The following MICAL1 variants were observed in gnomAD, a reference collection of about 807,000 sequenced individuals.
MICAL1 encodes the protein microtubule associated monooxygenase, calponin and LIM domain containing 1.
A neutral mutation model predicts 131.8 loss-of-function variants in MICAL1; 95 were observed. The observed-to-expected ratio is 0.72, with a 90% CI of 0.61 to 0.86. The LOEUF is 0.86. Among genes scored for constraint, MICAL1 ranks in the 40% least tolerant of loss-of-function variants. The probability of loss-of-function intolerance (pLI) is 0.00; values close to 1 mark genes in which losing one functional copy is unlikely to be tolerated. For synonymous variants in MICAL1, 546 were observed against 554.2 expected (o/e 0.99, Z 0.21); for missense variants, 1,292 against 1,380.6 (o/e 0.94, Z 1.02).
At chr6:109,453,565 C>T in intron 3 of MICAL1, 73 bp downstream of exon 3, 2 of 1,529,822 alleles carry the variant, frequency 1.3e-6, no homozygotes, top group Admixed American at 2.0e-5. Context: ...ATTTGGCTGT[C>T]CCAGCATTTC....
At chr6:109,461,294 C>CT (rs1775882317) in intron 1 of MICAL1, among the ~76,000 whole-genome samples, 1 of 152,184 alleles carries the variant, frequency 6.6e-6, no homozygotes, top group African/African-American at 2.4e-5. Flanking sequence ...CTCATCCATC[C>CT]TTTTTTATGG....
At chr6:109,462,046 G>C (rs896634966) in intron 1 of MICAL1, among the ~76,000 whole-genome samples, 2 of 152,202 alleles carry the variant, frequency 1.3e-5, no homozygotes, top group Non-Finnish European at 2.9e-5. Context: ...GTTGTTAGGA[G>C]GTAAATTGTG....
chr6:109,459,297 G>C (rs1431458923), upstream of MICAL1, among the ~76,000 whole-genome samples: 2 of 152,188 alleles, frequency 1.3e-5, no homozygotes, highest in Non-Finnish European at 2.9e-5. Context: ...AGCCCAAACA[G>C]ATCACCACTT....
chr6:109,451,515 C>T (rs1775541919), intron 7 of MICAL1, 85 bp downstream of exon 7: 2 of 1,535,926 alleles, frequency 1.3e-6, no homozygotes, highest in Non-Finnish European at 1.8e-6. Context: ...GGGGTCCCCA[C>T]ACCCAGGTGT....
Position 109,449,390 on chromosome 6 carries a change from G to T in MICAL1, c.1516+10C>A, listed in dbSNP as rs774244584. 16 of 1,614,064 alleles carry T rather than the reference G, an allele frequency of 9.9e-6. No homozygotes were observed. The highest frequency in any genetic ancestry group is 4.2e-6 in the Non-Finnish European group (5 of 1,180,016). ...ATTTTGGTCACCCCTTGGGAGGAAG[G>T]CCTGCTCACCGGTGGCTGGCATCCC... On this transcript the variant is annotated intron_variant, in intron 11 of 24. Coordinates refer to ENST00000358807, the MANE Select transcript of MICAL1 (RefSeq NM_022765.4).
intron 20 of MICAL1, 42 bp downstream of exon 20, chr6:109,445,729 T>G (rs1160966885): frequency 1.3e-6 from 2 of 1,588,346 alleles, no homozygotes; most frequent in Non-Finnish European, 8.6e-7. Context: ...TCTCCTGTAG[T>G]GGGCTGGAGA....
chr6:109,453,295 G>A lies in MICAL1; in HGVS notation c.539C>T (p.Thr180Ile). 6.8e-6 allele frequency: 11 copies of A among 1,614,050 alleles called. No individual in the cohort carries two copies. The highest frequency in any genetic ancestry group is 9.3e-6 in the Non-Finnish European group (11 of 1,179,958). Reference sequence around the variant, plus strand: ...AGGAGGGGGCTGGAGGCCAGTGAAAGTGACACCCCAGTGAATTTCCACCCC... The same window carrying A: ...AGGAGGGGGCTGGAGGCCAGTGAAAATGACACCCCAGTGAATTTCCACCCC... ...LLGVEIHWGV[T>I]FTGLQPPPRK... is the part of the protein sequence containing the mutation. Residue 180 changes from threonine (T) to isoleucine (I), a missense_variant, in exon 4 of 25, where the codon ACT becomes ATT. Coordinates refer to ENST00000358807, the MANE Select transcript of MICAL1 (RefSeq NM_022765.4).
Position 109,452,400 on chromosome 6 carries a change from G to T in MICAL1, c.678C>A (p.Gly226=), listed in dbSNP as rs761488426. The T allele has an allele frequency of 6.2e-7, 1 of 1,613,962 alleles. No individual in the cohort carries two copies. The highest frequency in any genetic ancestry group is 1.1e-5 in the South Asian group (1 of 91,066). ...TGCCTCGCATTTCTCGAACTTTGAA[G>T]CCTAGAGGTGGCGGTAGGTGAACAA... is the stretch of plus-strand genomic sequence containing the variant. ...SAAGGKFVPE[G]FKVREMRGKL... Residue 226 remains glycine, a splice_region_variant and synonymous_variant, in exon 6 of 25, where the codon GGC becomes GGA. Coordinates refer to ENST00000358807, the MANE Select transcript of MICAL1 (RefSeq NM_022765.4).
At position 109,447,921 on chromosome 6, in the gene MICAL1, AAT is replaced by A; in HGVS notation, c.1896_1897del (p.Leu633IlefsTer3). The A allele has an allele frequency of 6.2e-7, 1 of 1,613,154 alleles. No homozygotes were observed. Among genetic ancestry groups the A allele is most frequent in the South Asian group, 1.1e-5 (1 of 91,002 alleles). ...GGTCCTCTGAAGTTTACTAAGGAAT[AAT>A]ACAGCACTGGAGGTCCCTGGGGAGG... is the stretch of plus-strand genomic sequence containing the variant. On this transcript the variant is annotated frameshift_variant, in exon 14 of 25. Transcript: ENST00000358807. LOFTEE classifies it high-confidence loss of function.
At position 109,462,039 on chromosome 6, in the gene MICAL1, G is replaced by T. The variant is rs374502641; in HGVS notation, c.14+3625C>A. The stretch of plus-strand genomic sequence containing the variant: ...TCCCCTCCTCACTCAGATGCCAGTT[G>T]TTAGGAGGTAAATTGTGTCCCCCTA... On this transcript the variant is annotated intron_variant, in intron 1 of 24. Coordinates refer to the MICAL1 transcript ENST00000630715. Among the ~76,000 whole-genome samples the T allele has an allele frequency of 5.3e-5, 8 of 152,294 alleles. No homozygotes were observed. In the East Asian group the frequency reaches 5.8e-4, roughly 11 times the overall value.
chr6:109,454,603 T>G (rs939509466), intron 1 of MICAL1: 1 of 277,692 alleles, frequency 3.6e-6, no homozygotes. Context: ...ATTTCTTAGA[T>G]GTGGAGAGGA....
At chr6:109,452,895 G>A (rs1401018056) in intron 4 of MICAL1, among the ~76,000 whole-genome samples, 2 of 152,130 alleles carry the variant, frequency 1.3e-5, no homozygotes, top group Admixed American at 6.5e-5. Flanking sequence ...GGTGGGTCAC[G>A]CCTGTAATCC....
intron 1 of MICAL1, among the ~76,000 whole-genome samples, chr6:109,461,285 TCATC>T (rs746037609): frequency 3.2e-4 from 49 of 152,314 alleles, no homozygotes; most frequent in Non-Finnish European, 1.6e-4. Flanking sequence ...GGACATGAAC[TCATC>T]CATCCTTTTT....
At chr6:109,456,120 G>T (rs1775738701), upstream of MICAL1, 1 of 680,456 alleles carries the variant, frequency 1.5e-6, no homozygotes, top group Non-Finnish European at 1.8e-6. Context: ...GTGCTGGACC[G>T]CGCACCCTCG....
At chr6:109,445,673 G>C in intron 20 of MICAL1, 98 bp downstream of exon 20, 1 of 1,514,798 alleles carries the variant, frequency 6.6e-7, no homozygotes, top group South Asian at 1.2e-5. Flanking sequence ...GACAGGCCAA[G>C]TGAGAAGACA....
rs1248057610 is a variant in MICAL1, at chr6:109,445,843, C to T, written c.2601G>A (p.Lys867=). The T allele has an allele frequency of 6.2e-7, 1 of 1,606,620 alleles. No individual in the cohort carries two copies. Among genetic ancestry groups the T allele is most frequent in the African/African-American group, 1.3e-5 (1 of 74,966 alleles). ...TGGAGAAGGGACTCTCTTTTTCCTC[C>T]TTCTCCATGGCCACAAGAGCTGAGA... ...QSPQALVAME[K]EEKESPFSSE... Residue 867 remains lysine (K), a synonymous_variant, in exon 20 of 25, where the codon AAG becomes AAA. Transcript: ENST00000358807.
chr6:109,446,929 AG>A, intron 17 of MICAL1, 143 bp downstream of exon 17: 1 of 1,243,492 alleles, frequency 8.0e-7, no homozygotes, highest in Non-Finnish European at 1.1e-6. Flanking sequence ...GGAGCTTTGC[AG>A]GGGACAGAGA....
intron 7 of MICAL1, among the ~76,000 whole-genome samples, chr6:109,451,333 T>C (rs941407920): frequency 8.5e-5 from 13 of 152,078 alleles, no homozygotes; most frequent in Admixed American, 2.0e-4. Flanking sequence ...TTTGTACTTT[T>C]AGTAGAGACG....
In MICAL1 at chr6:109,448,884, G is replaced by T. The variant is rs777357893; in HGVS notation, c.1517-5C>A. On this transcript the variant is annotated splice_polypyrimidine_tract_variant and splice_region_variant and intron_variant, in intron 11 of 24. Coordinates refer to ENST00000358807, the MANE Select transcript of MICAL1 (RefSeq NM_022765.4). ...CCTCCTGGGTGCCTGCCGACCCTGG[G>T]AAAGAAGGCTGTGCTGTGCCCAAGG... is the stretch of plus-strand genomic sequence containing the variant. 6.2e-6 allele frequency: 10 copies of T among 1,613,100 alleles called. No individual in the cohort carries two copies. The highest frequency in any genetic ancestry group is 8.5e-6 in the Non-Finnish European group (10 of 1,179,876).
Sources: allele counts gnomAD v4.1 joint callset (sites outside exome capture counted in the v4.1 genomes callset), GRCh38; gene constraint gnomAD v4.1.1; transcripts MANE v1.5; gene names NCBI Gene and HGNC (gene_info 2026-07-23, HGNC 2026-07-21).